Variants in CROCC observed in about 807,000 individuals in gnomAD.
The protein encoded by CROCC is rootletin.
In CROCC, 180 loss-of-function variants were observed where a neutral mutation model predicts 245.2. The observed-to-expected ratio is 0.73, with a 90% confidence interval of 0.65 to 0.83. The LOEUF is 0.83. Ranked by LOEUF, CROCC falls within the 40% of genes least tolerant of loss-of-function variation. CROCC has a pLI of 0.00. For missense variants in CROCC, 2,688 were observed against 2,779.4 expected, an observed-to-expected ratio of 0.97 and a Z score of 0.74; for synonymous variants, 1,205 against 1,241.6, an observed-to-expected ratio of 0.97 and a Z score of 0.62.
Position 16,966,944 on chromosome 1 carries a change from A to G in CROCC, c.4860+373A>G, listed in dbSNP as rs112427741. On this transcript the variant is annotated intron_variant, in intron 30 of 36. Transcript: ENST00000375541. The surrounding 1 kb of genome is among the most constrained non-coding windows in gnomAD (Gnocchi z 4.8). ...GTGGTGTGGGCCTGTAGTCCCAGCT[A>G]CTCGGGAGGCTGAGGTGGGAAGATC... 7.6e-4 allele frequency among the ~76,000 whole-genome samples: 116 copies of G among 152,054 alleles called. No individual in the cohort carries two copies. Among genetic ancestry groups the G allele is most frequent in the African/African-American group, 2.7e-3 (114 of 41,456 alleles).
chr1:16,960,653 T>C (rs1570697722), intron 26 of CROCC, 105 bp from the exon 27 acceptor site: 17 of 1,333,956 alleles, frequency 1.3e-5, no homozygotes, highest in Non-Finnish European at 1.6e-5. Context: ...GAAAGGGTTG[T>C]ACTGACCACA....
At chr1:16,933,736 T>G (rs1332857230) in intron 8 of CROCC, among the ~76,000 whole-genome samples, 1 of 152,194 alleles carries the variant, frequency 6.6e-6, no homozygotes. Flanking sequence ...CAGCTAACTT[T>G]TGTATTTTTA....
upstream of CROCC, among the ~76,000 whole-genome samples, chr1:16,920,969 C>G (rs1391468269): frequency 6.6e-6 from 1 of 152,250 alleles, no homozygotes; most frequent in Non-Finnish European, 1.5e-5. Flanking sequence ...ATCTTGAACT[C>G]CTGACCTCAG....
intron 1 of CROCC, among the ~76,000 whole-genome samples, chr1:16,915,144 C>G (rs1213379293): frequency 7.9e-5 from 12 of 152,382 alleles, no homozygotes; most frequent in African/African-American, 2.9e-4. Flanking sequence ...TGGTTTTCAC[C>G]CTGATCTTCT....
At chr1:16,941,153 G>A (rs1309656136) in intron 13 of CROCC, 6 of 156,210 alleles carry the variant, frequency 3.8e-5, no homozygotes, top group Non-Finnish European at 7.1e-5. Flanking sequence ...AAGCCACTGT[G>A]CCTGGCTCTA....
In CROCC at chr1:16,936,712, G is replaced by A. The variant is rs181280910; in HGVS notation, c.1032G>A (p.Thr344=). Residue 344 remains threonine (T), a synonymous_variant, in exon 9 of 37, where the codon ACG becomes ACA. Coordinates refer to ENST00000375541, the MANE Select transcript of CROCC (RefSeq NM_014675.5). ...AGGAGGCGGGCCTGGGACTGAGCACGGGCCTACGGCTGGCAGAGAGCCGGG... is the reference window on the plus strand; with the variant it reads ...AGGAGGCGGGCCTGGGACTGAGCACAGGCCTACGGCTGGCAGAGAGCCGGG... The part of the protein sequence containing the change: ...AVQEAGLGLS[T]GLRLAESRAE... The A allele has an allele frequency of 1.9e-4, 308 of 1,606,572 alleles. No individual in the cohort carries two copies. Among genetic ancestry groups the A allele is most frequent in the Admixed American group, 9.5e-4 (56 of 58,824 alleles).
intron 3 of CROCC, 87 bp downstream of exon 3, chr1:16,924,566 A>C: frequency 6.6e-7 from 1 of 1,514,062 alleles, no homozygotes; most frequent in East Asian, 2.3e-5. Flanking sequence ...CACACGGGGC[A>C]AAAGATGGGC....
intron 3 of CROCC, among the ~76,000 whole-genome samples, chr1:16,925,933 G>A (rs567518338): frequency 1.3e-3 from 196 of 152,322 alleles, no homozygotes; most frequent in Middle Eastern, 6.8e-3. Context: ...CTTTCTTTTG[G>A]TCCATGCATG....
Position 16,931,417 on chromosome 1 carries a change from G to C in CROCC, c.956+20G>C, listed in dbSNP as rs189550399. ...TGAGAGGTGAGGCCTGGCCGGGGACGGGGCAGCAGCTGAGAGCCAGCCCTG... is the reference window on the plus strand; with the variant it reads ...TGAGAGGTGAGGCCTGGCCGGGGACCGGGCAGCAGCTGAGAGCCAGCCCTG... On this transcript the variant is annotated intron_variant, in intron 8 of 36. Coordinates refer to ENST00000375541, the MANE Select transcript of CROCC (RefSeq NM_014675.5). 2 of 1,598,420 alleles carry C rather than the reference G, an allele frequency of 1.3e-6. No individual in the cohort carries two copies. The highest frequency in any genetic ancestry group is 1.3e-5 in the African/African-American group (1 of 74,866).
rs1240847366 is a variant in CROCC, at chr1:16,967,722, C to A, written c.4861-481C>A. 5.3e-5 allele frequency among the ~76,000 whole-genome samples: 8 copies of A among 152,224 alleles called. 1 individual carries two copies. The East Asian group carries it at 1.5e-3, about 29-fold the overall frequency. On this transcript the variant is annotated intron_variant, in intron 30 of 36. Transcript: ENST00000375541. ...CCCCAGGCCTTTTTCACTGGCTGAC[C>A]CTGGGCAGGGGAGGGGGAATCACCA...
At chr1:16,948,760 G>T in intron 18 of CROCC, 39 bp from the exon 19 acceptor site, 1 of 1,606,850 alleles carries the variant, frequency 6.2e-7, no homozygotes, top group Non-Finnish European at 8.5e-7. Flanking sequence ...GGGCCAGGGA[G>T]GCTGAGTCCC....
At position 16,922,183 on chromosome 1, in the gene CROCC, T is replaced by G. The variant is rs1255524468; in HGVS notation, c.60+105T>G. ...CTTGGGGATCAAGGGGTGGGAGAGGTGTGGTGGTGGTGGGGTATACAGGGG... is the reference window on the plus strand; with the variant it reads ...CTTGGGGATCAAGGGGTGGGAGAGGGGTGGTGGTGGTGGGGTATACAGGGG... On this transcript the variant is annotated intron_variant, in intron 1 of 36. Coordinates refer to ENST00000375541, the MANE Select transcript of CROCC (RefSeq NM_014675.5). 3 of 1,193,590 alleles carry G rather than the reference T, an allele frequency of 2.5e-6. No individual in the cohort carries two copies. In the African/African-American group the frequency reaches 4.5e-5, roughly 18 times the overall value. 73.9% of individuals were successfully genotyped at this position (1,193,590 alleles called of 1,614,324 possible). A position where few individuals can be genotyped will look rare whatever the true frequency, so the allele number is the denominator to read the frequency against.
At chr1:16,926,933 T>G (rs1345229298) in intron 3 of CROCC, among the ~76,000 whole-genome samples, 3 of 152,218 alleles carry the variant, frequency 2.0e-5, no homozygotes, top group African/African-American at 7.2e-5. Flanking sequence ...CACGGTGAAG[T>G]TTGTGGAAAG....
intron 7 of CROCC, 99 bp downstream of exon 7, chr1:16,930,693 T>G: frequency 7.8e-7 from 1 of 1,286,120 alleles, no homozygotes; most frequent in African/African-American, 2.6e-5. Context: ...GGGAGCACTG[T>G]CCAAGGGAGC....
intron 31 of CROCC, 111 bp downstream of exon 31, chr1:16,968,529 C>G: frequency 1.8e-6 from 2 of 1,100,586 alleles, no homozygotes; most frequent in Non-Finnish European, 2.5e-6. Flanking sequence ...TACCCACATC[C>G]CCATTTCACA....
intron 8 of CROCC, among the ~76,000 whole-genome samples, chr1:16,935,649 C>A (rs1408779613): frequency 6.6e-6 from 1 of 152,292 alleles, no homozygotes; most frequent in Non-Finnish European, 1.5e-5. Context: ...TGGTCTCGAT[C>A]TCCCGACCTC....
At chr1:16,930,392 T>A (rs1185561806) in intron 6 of CROCC, 37 bp from the exon 7 acceptor site, 1 of 1,611,056 alleles carries the variant, frequency 6.2e-7, no homozygotes, top group Non-Finnish European at 8.5e-7. Flanking sequence ...GATGGCCCCC[T>A]GCGCGAGCGC....
chr1:16,968,268 G>T lies in CROCC; in HGVS notation c.4926G>T (p.Glu1642Asp), dbSNP rs992125361. Residue 1642 changes from glutamate (E) to aspartate (D), a missense_variant, in exon 31 of 37, where the codon GAG (glutamate) becomes GAT (aspartate). Around this residue, in one of 9 missense-constraint regions of CROCC, gnomAD observed 1,218 missense variants for 1,286.3 expected, o/e 0.95. Coordinates refer to ENST00000375541, the MANE Select transcript of CROCC (RefSeq NM_014675.5). ...AGGGCGACAAGCGGCGCCTGAAGGA[G>T]GTTCTGGACGCCTCCGAGAGCCGCA... The part of the protein sequence containing the change: ...KLEGDKRRLK[E>D]VLDASESRTV... The T allele has an allele frequency of 1.3e-6, 2 of 1,563,046 alleles. No homozygotes were observed. The highest frequency in any genetic ancestry group is 2.7e-5 in the African/African-American group (2 of 73,674).
chr1:16,956,969 C>T (rs1391990419), intron 25 of CROCC, among the ~76,000 whole-genome samples: 3 of 152,210 alleles, frequency 2.0e-5, no homozygotes, highest in African/African-American at 7.2e-5. Flanking sequence ...GGCGCTGCCT[C>T]ACCCAGAGAT....
Sources: gnomAD v4.1 joint callset for allele counts (sites outside exome capture counted in the v4.1 genomes callset) on GRCh38, gnomAD v4.1.1 for gene constraint, gnomAD v4.1.1 regional missense constraint, Gnocchi (gnomAD v3.1) non-coding constraint, MANE v1.5 for transcripts, NCBI Gene and HGNC (gene_info 2026-07-23, HGNC 2026-07-21) for gene names.